TENM2: variants seen among roughly 807,000 people sequenced by gnomAD.
TENM2 encodes teneurin transmembrane protein 2, also known as teneurin-2.
A neutral mutation model predicts 245.2 loss-of-function variants in TENM2; 52 were observed. The ratio of observed to expected loss-of-function variants is 0.21; its 90% CI spans 0.17 to 0.27. The LOEUF (loss-of-function observed/expected upper bound fraction) is 0.27, where lower values mean the gene tolerates loss of function less well. Among genes scored for constraint, TENM2 ranks in the 10% least tolerant of loss-of-function variants. The probability of loss-of-function intolerance (pLI) is 1.00; values close to 1 mark genes in which losing one functional copy is unlikely to be tolerated. For missense variants in TENM2, 3,046 were observed against 3,666.8 expected, an observed-to-expected ratio of 0.83 and a Z score of 4.37; for synonymous variants, 1,363 against 1,438.9, an observed-to-expected ratio of 0.95 and a Z score of 1.19.
chr5:167,622,621 A>G (rs1371765207), intron 2 of TENM2, among the ~76,000 whole-genome samples: 1 of 152,146 alleles, frequency 6.6e-6, no homozygotes, highest in Non-Finnish European at 1.5e-5. Flanking sequence ...CACAAGGTTC[A>G]GGGGTGAGTA....
At chr5:167,727,750 G>T (rs1299993258) in intron 2 of TENM2, among the ~76,000 whole-genome samples, 1 of 152,160 alleles carries the variant, frequency 6.6e-6, no homozygotes, top group Non-Finnish European at 1.5e-5. Context: ...GCACCATTAT[G>T]CAGATGAAGA....
At chr5:167,144,273 C>T in the TENM2 span, among the ~76,000 whole-genome samples, 1 of 152,140 alleles carries the variant, frequency 6.6e-6, no homozygotes, top group African/African-American at 2.4e-5. Context: ...TTGTACTCTT[C>T]TGACAATCAC....
the TENM2 span, among the ~76,000 whole-genome samples, chr5:167,163,436 C>T: frequency 6.6e-6 from 1 of 152,104 alleles, no homozygotes; most frequent in Non-Finnish European, 1.5e-5. Context: ...TTCTCGGATA[C>T]AGTGAGAAAA....
the TENM2 span, among the ~76,000 whole-genome samples, chr5:167,222,246 A>G: frequency 6.6e-6 from 1 of 152,176 alleles, no homozygotes; most frequent in Non-Finnish European, 1.5e-5. Context: ...ATCTGCCTTC[A>G]CATATGCAAT....
chr5:168,131,194 G>A (rs562658713), intron 12 of TENM2, among the ~76,000 whole-genome samples: 6 of 152,276 alleles, frequency 3.9e-5, no homozygotes, highest in East Asian at 1.9e-4. Context: ...CATCTGCTCC[G>A]AATAATACAA....
intron 2 of TENM2, among the ~76,000 whole-genome samples, chr5:167,818,018 C>T (rs1397955639): frequency 1.3e-5 from 2 of 152,278 alleles, no homozygotes; most frequent in African/African-American, 4.8e-5. Context: ...GAGGGTGCGG[C>T]TCATGGTCAC....
intron 2 of TENM2, among the ~76,000 whole-genome samples, chr5:167,463,501 A>T (rs1220448507): frequency 7.0e-5 from 10 of 142,190 alleles, no homozygotes; most frequent in Admixed American, 2.8e-4. Flanking sequence ...TATTTATTTT[A>T]TTTTATTTTT....
chr5:167,130,927 A>G, the TENM2 span, among the ~76,000 whole-genome samples: 1 of 133,872 alleles, frequency 7.5e-6, no homozygotes, highest in Non-Finnish European at 1.5e-5. Context: ...AAAAAAAAGA[A>G]TGCTTTCCTT....
At chr5:167,368,081 G>T (rs187382527) in intron 1 of TENM2, among the ~76,000 whole-genome samples, 2 of 151,796 alleles carry the variant, frequency 1.3e-5, no homozygotes, top group Non-Finnish European at 1.5e-5. Flanking sequence ...TTAGAAAAAG[G>T]CCGCTTAAAA....
At chr5:167,911,265 G>T (rs1776522391) in intron 3 of TENM2, among the ~76,000 whole-genome samples, 1 of 152,144 alleles carries the variant, frequency 6.6e-6, no homozygotes, top group Non-Finnish European at 1.5e-5. Flanking sequence ...GGTGGCTCAC[G>T]CCTGTACTCC....
At chr5:168,163,236 A>G (rs77666057) in intron 13 of TENM2, among the ~76,000 whole-genome samples, 2,534 of 152,322 alleles carry the variant, frequency 0.017, 32 homozygotes, top group Non-Finnish European at 0.026. Context: ...TCCAACCACC[A>G]TTAGTAAAAT....
chr5:167,197,484 G>A, the TENM2 span, among the ~76,000 whole-genome samples: 1 of 151,982 alleles, frequency 6.6e-6, no homozygotes, highest in Non-Finnish European at 1.5e-5. Flanking sequence ...GAGCCAAGAG[G>A]CTTCTTTATA....
At chr5:167,024,361 T>C in the TENM2 span, among the ~76,000 whole-genome samples, 1 of 152,362 alleles carries the variant, frequency 6.6e-6, no homozygotes, top group South Asian at 2.1e-4. Context: ...GTCACTGTTC[T>C]AGACACTGGA....
chr5:167,978,763 G>T (rs767986538), intron 4 of TENM2, among the ~76,000 whole-genome samples: 1 of 152,106 alleles, frequency 6.6e-6, no homozygotes, highest in Non-Finnish European at 1.5e-5. Context: ...ACTGAATTGT[G>T]CAATTAGAAA....
At chr5:168,144,812 C>T (rs1198240414) in intron 12 of TENM2, among the ~76,000 whole-genome samples, 1 of 152,110 alleles carries the variant, frequency 6.6e-6, no homozygotes, top group Non-Finnish European at 1.5e-5. Flanking sequence ...TAAAAGTGTT[C>T]CTATTTCTCC....
the TENM2 span, among the ~76,000 whole-genome samples, chr5:167,233,392 T>C: frequency 0.21 from 31,637 of 151,926 alleles, 3,870 homozygotes; most frequent in African/African-American, 0.34. Flanking sequence ...TCTAAAACTA[T>C]CAAGCAGGAA....
chr5:167,869,854 A>G (rs1772666450), intron 2 of TENM2, among the ~76,000 whole-genome samples: 1 of 152,246 alleles, frequency 6.6e-6, no homozygotes, highest in South Asian at 2.1e-4. Context: ...AAAAATCATT[A>G]AATGCAAACA....
At chr5:167,923,002 C>G (rs555890922) in intron 3 of TENM2, among the ~76,000 whole-genome samples, 2 of 152,316 alleles carry the variant, frequency 1.3e-5, no homozygotes, top group East Asian at 1.9e-4. Context: ...ATGCTTCCCC[C>G]CAGTGCCTCT....
chr5:167,393,420 T>C (rs1761880020), intron 2 of TENM2, among the ~76,000 whole-genome samples: 1 of 152,032 alleles, frequency 6.6e-6, no homozygotes, highest in African/African-American at 2.4e-5. Flanking sequence ...ACAGAGAAAC[T>C]AGCTGTGAAA....
Sources: gnomAD v4.1 joint callset for allele counts (sites outside exome capture counted in the v4.1 genomes callset) on GRCh38, gnomAD v4.1.1 for gene constraint, MANE v1.5 for transcripts, NCBI Gene and HGNC (gene_info 2026-07-23, HGNC 2026-07-21) for gene names.